Variants in MYO1D observed in about 807,000 individuals in gnomAD.
The protein encoded by MYO1D is myosin ID.
Under a neutral mutation model 122.0 loss-of-function variants are expected in MYO1D, and 83 were observed. The observed-to-expected ratio is 0.68, with a 90% CI of 0.57 to 0.82. The LOEUF is 0.82. Among genes scored for constraint, MYO1D ranks in the 40% least tolerant of loss-of-function variants. The pLI is 0.00. For missense variants in MYO1D, 1,157 were observed against 1,269.5 expected (o/e 0.91, Z 1.35); for synonymous variants, 464 against 446.9 (o/e 1.04, Z -0.48).
chr17:32,616,684 T>C (rs1357067991), intron 20 of MYO1D, among the ~76,000 whole-genome samples: 6 of 152,036 alleles, frequency 3.9e-5, no homozygotes, highest in Non-Finnish European at 4.4e-5. Flanking sequence ...AAGTGGAGGA[T>C]TTAAAACAAG....
chr17:32,498,673 G>A (rs1313341668), intron 21 of MYO1D: 1 of 152,078 alleles, frequency 6.6e-6, no homozygotes, highest in Middle Eastern at 3.2e-3. Flanking sequence ...GAAGGACTGT[G>A]TGTAAAACAT....
chr17:32,811,616 CTTTTTTT>C lies in MYO1D; in HGVS notation c.96-30839_96-30833del, dbSNP rs755189217. On this transcript the variant is annotated intron_variant, in intron 1 of 21. Transcript: ENST00000318217. ...ACATTTATCTCCCAACCCTCACCCT[CTTTTTTT>C]TTTTTTTTTTTTTTTTTTTGCCAGG... Among the ~76,000 whole-genome samples, 135 of 57,536 alleles carry C rather than the reference CTTTTTTT, an allele frequency of 2.3e-3. 2 individuals carry two copies. The highest frequency in any genetic ancestry group is 7.4e-3 in the African/African-American group (129 of 17,330). 37.7% of individuals were successfully genotyped at this position (57,536 alleles called of 152,430 possible).
chr17:32,770,768 C>A (rs2090105179), intron 6 of MYO1D, among the ~76,000 whole-genome samples: 1 of 152,110 alleles, frequency 6.6e-6, no homozygotes, highest in African/African-American at 2.4e-5. Context: ...ACTAACTTGC[C>A]TTTGGCCAAA....
intron 3 of MYO1D, 119 bp from the exon 4 acceptor site, chr17:32,776,148 T>C (rs1417939302): frequency 2.4e-6 from 2 of 824,778 alleles, no homozygotes; most frequent in Non-Finnish European, 3.7e-6. Flanking sequence ...TCCAGCACTG[T>C]TTGCAATATC....
intron 21 of MYO1D, among the ~76,000 whole-genome samples, chr17:32,532,498 T>C (rs950142849): frequency 3.3e-5 from 5 of 151,484 alleles, no homozygotes; most frequent in Non-Finnish European, 5.9e-5. Context: ...GAGGCTGAGG[T>C]GGGTGGATCA....
At chr17:32,782,352 C>T (rs2090247423) in intron 1 of MYO1D, among the ~76,000 whole-genome samples, 1 of 152,172 alleles carries the variant, frequency 6.6e-6, no homozygotes, top group Admixed American at 6.5e-5. Context: ...ATTTCGAGTC[C>T]TTTACATCTG....
At chr17:32,827,541 A>G (rs1450445315) in intron 1 of MYO1D, among the ~76,000 whole-genome samples, 1 of 152,224 alleles carries the variant, frequency 6.6e-6, no homozygotes, top group Non-Finnish European at 1.5e-5. Context: ...TGTACACTTA[A>G]AAGTGGCTAA....
At position 32,583,431 on chromosome 17, in the gene MYO1D, A is replaced by G. The variant is rs533413407; in HGVS notation, c.2864+21656T>C. On this transcript the variant is annotated intron_variant, in intron 21 of 21. Transcript: ENST00000318217. ...TATATAGTTTTCATCAAATTTGGAAAAATTTCAGCCATTATTTCTTCAAGT... is the reference window on the plus strand; with the variant it reads ...TATATAGTTTTCATCAAATTTGGAAGAATTTCAGCCATTATTTCTTCAAGT... 2.2e-4 allele frequency among the ~76,000 whole-genome samples: 33 copies of G among 152,258 alleles called. 1 individual carries two copies. The South Asian group carries it at 2.7e-3, about 12-fold the overall frequency.
At chr17:32,798,404 C>T (rs773570443) in intron 1 of MYO1D, among the ~76,000 whole-genome samples, 1 of 152,094 alleles carries the variant, frequency 6.6e-6, no homozygotes, top group Admixed American at 6.5e-5. Flanking sequence ...TTTCTTTTAG[C>T]TTAAGTTTAC....
rs117514065 is a variant in MYO1D at position 32,749,872 on chromosome 17, T to A, written c.1468-866A>T. Among the ~76,000 whole-genome samples, 259 of 152,324 alleles carry A rather than the reference T, an allele frequency of 1.7e-3. 8 individuals are homozygous for A. In the East Asian group the frequency reaches 0.047, roughly 28 times the overall value. On this transcript the variant is annotated intron_variant, in intron 11 of 21. Transcript: ENST00000318217. ...GACCATACTGAAGGCTTACTAGTTG[T>A]TAGGCATACACATCTTATTCAGTCT... is the stretch of plus-strand genomic sequence containing the variant.
intron 1 of MYO1D, among the ~76,000 whole-genome samples, chr17:32,793,308 CT>C (rs59174021): frequency 0.022 from 2,970 of 136,900 alleles, 52 homozygotes; most frequent in African/African-American, 0.058. Flanking sequence ...AAAAACTAGG[CT>C]TTTTTTTTTT....
chr17:32,832,495 T>C (rs1263804994), intron 1 of MYO1D, among the ~76,000 whole-genome samples: 1 of 152,060 alleles, frequency 6.6e-6, no homozygotes. Context: ...ACACGGAGTT[T>C]CACCGTGTTA....
intron 1 of MYO1D, among the ~76,000 whole-genome samples, chr17:32,848,160 G>C (rs1487874237): frequency 6.6e-6 from 1 of 152,132 alleles, no homozygotes; most frequent in Admixed American, 6.5e-5. Flanking sequence ...TATGACTCCT[G>C]GACCAGGAAA....
In MYO1D at chr17:32,711,952, C is replaced by T. The variant is rs560184996; in HGVS notation, c.2121+36G>A. 9 of 1,515,404 alleles carry T rather than the reference C, an allele frequency of 5.9e-6. No homozygotes were observed. The African/African-American group carries it at 1.3e-4, about 22-fold the overall frequency. The allele number at this position is 1,515,404 out of a possible 1,614,324, so 93.9% of individuals were successfully genotyped here. On this transcript the variant is annotated intron_variant, in intron 16 of 21. Coordinates refer to ENST00000318217, the MANE Select transcript of MYO1D (RefSeq NM_015194.3). ...CAACAAATTTTTAAGAACTTAAAAG[C>T]AAAATCTTATCCTTATATATAAAAT...
intron 1 of MYO1D, among the ~76,000 whole-genome samples, chr17:32,832,773 A>T (rs1413640213): frequency 6.6e-6 from 1 of 152,224 alleles, no homozygotes; most frequent in Non-Finnish European, 1.5e-5. Context: ...TTTAAACGAA[A>T]AGTAAATGTA....
chr17:32,702,222 T>C (rs1391080216), intron 16 of MYO1D, among the ~76,000 whole-genome samples: 1 of 152,248 alleles, frequency 6.6e-6, no homozygotes, highest in Non-Finnish European at 1.5e-5. Context: ...ATTATACTTG[T>C]GTGCATATAT....
chr17:32,711,523 G>C, intron 16 of MYO1D, among the ~76,000 whole-genome samples: 1 of 152,118 alleles, frequency 6.6e-6, no homozygotes, highest in African/African-American at 2.4e-5. Flanking sequence ...GTGTGCGCCT[G>C]TAATCCCAGC....
At chr17:32,754,484 C>T (rs2089927597) in intron 11 of MYO1D, among the ~76,000 whole-genome samples, 1 of 152,210 alleles carries the variant, frequency 6.6e-6, no homozygotes, top group South Asian at 2.1e-4. Flanking sequence ...TTAGAAAAAA[C>T]TGGCCTAAAA....
At chr17:32,716,411 T>C (rs1303720424) in intron 15 of MYO1D, among the ~76,000 whole-genome samples, 2 of 152,184 alleles carry the variant, frequency 1.3e-5, no homozygotes, top group African/African-American at 2.4e-5. Flanking sequence ...GTGGCTAATA[T>C]GAAGGCAGGG....
Sources: allele counts gnomAD v4.1 joint callset (sites outside exome capture counted in the v4.1 genomes callset), GRCh38; gene constraint gnomAD v4.1.1; transcripts MANE v1.5; gene names NCBI Gene and HGNC (gene_info 2026-07-23, HGNC 2026-07-21).